Variants in GPM6A observed in about 807,000 individuals in gnomAD.
GPM6A encodes neuronal membrane glycoprotein M6-a.
A neutral mutation model predicts 32.1 loss-of-function variants in GPM6A; 7 were observed. The observed-to-expected ratio is 0.22, with a 90% CI of 0.12 to 0.41. The LOEUF (loss-of-function observed/expected upper bound fraction) is 0.41, where lower values mean the gene tolerates loss of function less well. GPM6A is among the 10% of genes least tolerant of loss of function. The pLI is 1.00. For missense variants in GPM6A, 235 were observed against 347.2 expected (o/e 0.68, Z 2.57); for synonymous variants, 130 against 123.4 (o/e 1.05, Z -0.35).
At chr4:175,865,141 T>C (rs779567368) in intron 1 of GPM6A, among the ~76,000 whole-genome samples, 1 of 152,186 alleles carries the variant, frequency 6.6e-6, no homozygotes, top group Non-Finnish European at 1.5e-5. Flanking sequence ...GAGGTAATAA[T>C]GAAAGAGTAC....
intron 1 of GPM6A, among the ~76,000 whole-genome samples, chr4:175,765,653 CA>C (rs1157387628): frequency 6.6e-6 from 1 of 152,040 alleles, no homozygotes; most frequent in African/African-American, 2.4e-5. Context: ...TTTTTATACC[CA>C]TATGTCACCT....
At chr4:175,764,261 T>C (rs1732871753) in intron 1 of GPM6A, among the ~76,000 whole-genome samples, 1 of 152,244 alleles carries the variant, frequency 6.6e-6, no homozygotes, top group Non-Finnish European at 1.5e-5. Context: ...AAGGGAATCA[T>C]GCTACACACA....
chr4:175,747,412 A>G (rs1332000730), intron 1 of GPM6A, among the ~76,000 whole-genome samples: 1 of 152,172 alleles, frequency 6.6e-6, no homozygotes, highest in Non-Finnish European at 1.5e-5. Flanking sequence ...AGTATGCACT[A>G]TGCTTTAAAT....
intron 1 of GPM6A, among the ~76,000 whole-genome samples, chr4:175,963,102 G>A (rs1740218768): frequency 6.6e-6 from 1 of 151,190 alleles, no homozygotes; most frequent in Non-Finnish European, 1.5e-5. Flanking sequence ...AAAGTCAATG[G>A]AAACATCAAA....
At chr4:175,810,722 A>G (rs1734884852) in intron 1 of GPM6A, among the ~76,000 whole-genome samples, 1 of 152,210 alleles carries the variant, frequency 6.6e-6, no homozygotes, top group South Asian at 2.1e-4. Context: ...AATAAGTATC[A>G]TTATTAGGTA....
rs1190034716 is a variant in GPM6A, at chr4:175,673,820, A to G, written c.247T>C (p.Tyr83His). ...DVFTMIDIFK[Y>H]VIYGIAAAFF... is the part of the protein sequence containing the mutation. ...GCAGCTGCGATGCCGTAGATCACAT[A>G]CTTAAAGATGTCAATCCTGAGAGAA... is the stretch of plus-strand genomic sequence containing the variant. The change falls in exon 3 of 7, where the codon TAT becomes CAT. Residue 83 changes from tyrosine (Y) to histidine (H), a missense_variant. Coordinates refer to ENST00000393658, the MANE Select transcript of GPM6A (RefSeq NM_201591.3). 6.2e-7 allele frequency: 1 copy of G among 1,600,932 alleles called. No homozygotes were observed. The highest frequency in any genetic ancestry group is 8.5e-7 in the Non-Finnish European group (1 of 1,170,506).
chr4:175,746,994 T>TCAC (rs1732129577), intron 1 of GPM6A, among the ~76,000 whole-genome samples: 1 of 151,960 alleles, frequency 6.6e-6, no homozygotes, highest in East Asian at 1.9e-4. Context: ...AAACCTAGGC[T>TCAC]GGCATGGTGG....
chr4:175,702,082 T>A (rs1394389426), intron 1 of GPM6A, among the ~76,000 whole-genome samples: 1 of 152,230 alleles, frequency 6.6e-6, no homozygotes, highest in African/African-American at 2.4e-5. Context: ...TATCATTCCA[T>A]CTTGAATTTA....
intron 1 of GPM6A, among the ~76,000 whole-genome samples, chr4:175,755,752 T>C (rs921544451): frequency 6.6e-6 from 1 of 152,184 alleles, no homozygotes; most frequent in Non-Finnish European, 1.5e-5. Flanking sequence ...TTATGTAGTG[T>C]TCCTGGATGA....
At chr4:175,931,703 C>CAT in intron 1 of GPM6A, among the ~76,000 whole-genome samples, 1 of 140,710 alleles carries the variant, frequency 7.1e-6, no homozygotes, top group African/African-American at 2.7e-5. Context: ...CACACACACA[C>CAT]ACACACATAT....
chr4:175,671,218 T>G (rs1458362701), intron 3 of GPM6A, among the ~76,000 whole-genome samples: 1 of 151,968 alleles, frequency 6.6e-6, no homozygotes, highest in East Asian at 1.9e-4. Flanking sequence ...AGTAACCATT[T>G]ACTTTTTATG....
At chr4:175,993,197 T>C (rs1399661348) in intron 1 of GPM6A, among the ~76,000 whole-genome samples, 4 of 151,476 alleles carry the variant, frequency 2.6e-5, no homozygotes, top group East Asian at 1.9e-4. Flanking sequence ...TTTTTTTTTT[T>C]CCTAGTCCTT....
chr4:175,823,377 C>A (rs553995742), intron 1 of GPM6A, among the ~76,000 whole-genome samples: 1 of 152,164 alleles, frequency 6.6e-6, no homozygotes, highest in South Asian at 2.1e-4. Flanking sequence ...CAATATTTAA[C>A]AATAAGATAC....
intron 1 of GPM6A, among the ~76,000 whole-genome samples, chr4:175,936,733 G>A (rs952117017): frequency 6.6e-6 from 1 of 152,056 alleles, no homozygotes; most frequent in Non-Finnish European, 1.5e-5. Context: ...CATCTGTAGA[G>A]TAAAAATACC....
chr4:175,830,034 T>C (rs11939418), intron 1 of GPM6A, among the ~76,000 whole-genome samples: 1,580 of 152,194 alleles, frequency 0.01, 25 homozygotes, highest in African/African-American at 0.037. Context: ...CCTCTGAGTT[T>C]AATAGATCCA....
chr4:175,681,896 G>A (rs934671946), intron 2 of GPM6A, among the ~76,000 whole-genome samples: 1 of 152,172 alleles, frequency 6.6e-6, no homozygotes, highest in Non-Finnish European at 1.5e-5. Flanking sequence ...GTGGGACATT[G>A]CTATAAAGAT....
chr4:175,713,142 C>T (rs995049636), intron 1 of GPM6A, among the ~76,000 whole-genome samples: 2 of 152,154 alleles, frequency 1.3e-5, no homozygotes, highest in Non-Finnish European at 2.9e-5. Context: ...AAATGTTTAG[C>T]AAACACACTC....
At chr4:175,848,822 T>C (rs1228558577) in intron 1 of GPM6A, among the ~76,000 whole-genome samples, 2 of 152,184 alleles carry the variant, frequency 1.3e-5, no homozygotes, top group African/African-American at 4.8e-5. Context: ...ATACTATTAT[T>C]GATGCCATAA....
At chr4:175,926,181 C>T (rs1004519270) in intron 1 of GPM6A, among the ~76,000 whole-genome samples, 5 of 152,058 alleles carry the variant, frequency 3.3e-5, no homozygotes, top group African/African-American at 1.2e-4. Context: ...AATTCAAACA[C>T]ATTTAAAACA....
Sources: gnomAD v4.1 joint callset for allele counts (sites outside exome capture counted in the v4.1 genomes callset) on GRCh38, gnomAD v4.1.1 for gene constraint, MANE v1.5 for transcripts, NCBI Gene and HGNC (gene_info 2026-07-23, HGNC 2026-07-21) for gene names.